Variants in GPC6 observed in about 807,000 individuals in gnomAD.
The protein encoded by GPC6 is glypican-6.
In GPC6, 14 loss-of-function variants were observed where a neutral mutation model predicts 55.2. That is an observed-to-expected ratio of 0.25 (90% CI 0.17 to 0.40). The LOEUF (loss-of-function observed/expected upper bound fraction) is 0.40. Among genes scored for constraint, GPC6 ranks in the 10% least tolerant of loss-of-function variants. The pLI is 1.00. For synonymous variants in GPC6, 278 were observed against 259.6 expected (o/e 1.07, Z -0.68); for missense variants, 641 against 708.5 (o/e 0.90, Z 1.08).
chr13:93,426,358 G>A (rs1877126223), intron 1 of GPC6, among the ~76,000 whole-genome samples: 1 of 151,490 alleles, frequency 6.6e-6, no homozygotes, highest in South Asian at 2.1e-4. Context: ...CTAGCATTAG[G>A]TATATCTCCT....
At chr13:94,027,601 G>A (rs961261692) in intron 3 of GPC6, 128 bp from the exon 4 acceptor site, 3 of 804,638 alleles carry the variant, frequency 3.7e-6, no homozygotes, top group African/African-American at 1.7e-5. Flanking sequence ...GGAATTGGAT[G>A]GATTCAAGAT....
the GPC6 span, among the ~76,000 whole-genome samples, chr13:93,220,650 C>T: frequency 6.6e-6 from 1 of 152,130 alleles, no homozygotes; most frequent in African/African-American, 2.4e-5. Flanking sequence ...ACTCTTCCTG[C>T]TATGCAATAC....
chr13:93,547,624 A>C (rs1335438964), intron 2 of GPC6, among the ~76,000 whole-genome samples: 1 of 152,110 alleles, frequency 6.6e-6, no homozygotes, highest in Non-Finnish European at 1.5e-5. Context: ...CTAAGGGAGG[A>C]TGAATTCTTT....
At chr13:94,266,677 C>T (rs931262772) in intron 4 of GPC6, among the ~76,000 whole-genome samples, 9 of 152,150 alleles carry the variant, frequency 5.9e-5, no homozygotes, top group Non-Finnish European at 8.8e-5. Flanking sequence ...GATTTCATTG[C>T]ACTTGGTACA....
chr13:93,545,365 A>G lies in GPC6; in HGVS notation c.263A>G (p.Glu88Gly). The change falls in exon 2 of 9, where the codon GAA becomes GGA. Residue 88 changes from glutamate to glycine, a missense_variant. Physicochemically the swap from Glu to Gly is moderately conservative, Grantham distance 98 (BLOSUM62 -2). Coordinates refer to ENST00000377047, the MANE Select transcript of GPC6 (RefSeq NM_005708.5). ...AAACTCGAATTTGAAAACCTTGTGG[A>G]AGAGACAAGCCATTTTGTGCGCACC... ...QSKLEFENLV[E>G]ETSHFVRTTF... The G allele has an allele frequency of 6.2e-7, 1 of 1,613,920 alleles. No individual in the cohort carries two copies.
At chr13:93,233,344 C>CA (rs199803814) in intron 1 of GPC6, among the ~76,000 whole-genome samples, 23,072 of 126,024 alleles carry the variant, frequency 0.18, 2,131 homozygotes, top group African/African-American at 0.32. Flanking sequence ...AGTTAGTAGC[C>CA]AAAAAAAAAA....
chr13:94,030,150 A>C (rs894639556), intron 4 of GPC6, among the ~76,000 whole-genome samples: 14 of 151,964 alleles, frequency 9.2e-5, no homozygotes, highest in Non-Finnish European at 2.1e-4. Flanking sequence ...CTGGGACTAC[A>C]GGCGCCCGAC....
chr13:93,372,022 G>A (rs764220059), intron 1 of GPC6, among the ~76,000 whole-genome samples: 2 of 152,042 alleles, frequency 1.3e-5, no homozygotes, highest in Non-Finnish European at 2.9e-5. Context: ...TGGGTTATTC[G>A]ATTGGCCTAT....
chr13:94,241,145 C>T (rs1429010420), intron 4 of GPC6, among the ~76,000 whole-genome samples: 1 of 152,078 alleles, frequency 6.6e-6, no homozygotes, highest in Non-Finnish European at 1.5e-5. Context: ...ATCTCTTGGT[C>T]ACGTGAGGAT....
chr13:94,130,099 G>A (rs1886957444), intron 4 of GPC6, among the ~76,000 whole-genome samples: 2 of 152,102 alleles, frequency 1.3e-5, no homozygotes, highest in South Asian at 2.1e-4. Context: ...ACTGATTAAT[G>A]TTTAGGATCT....
intron 1 of GPC6, among the ~76,000 whole-genome samples, chr13:93,383,413 C>T (rs1385933134): frequency 2.0e-5 from 3 of 152,100 alleles, no homozygotes; most frequent in Non-Finnish European, 4.4e-5. Context: ...GAGGGAGTCT[C>T]GCCATGTTGC....
chr13:94,023,442 A>G (rs1882777576), intron 3 of GPC6, among the ~76,000 whole-genome samples: 1 of 152,006 alleles, frequency 6.6e-6, no homozygotes, highest in Admixed American at 6.6e-5. Context: ...TACATGATAC[A>G]CCCATGGAAA....
intron 2 of GPC6, among the ~76,000 whole-genome samples, chr13:93,586,729 T>A (rs911283050): frequency 6.6e-6 from 1 of 152,168 alleles, no homozygotes; most frequent in Non-Finnish European, 1.5e-5. Context: ...GCTGCAAGAC[T>A]AAAAACGTTT....
At chr13:93,234,472 A>G (rs1876165580) in intron 1 of GPC6, among the ~76,000 whole-genome samples, 1 of 152,158 alleles carries the variant, frequency 6.6e-6, no homozygotes, top group Admixed American at 6.5e-5. Context: ...GTTTTGAAAT[A>G]TTACATTGGT....
At chr13:93,423,262 G>C (rs947558492) in intron 1 of GPC6, among the ~76,000 whole-genome samples, 5 of 152,142 alleles carry the variant, frequency 3.3e-5, no homozygotes, top group African/African-American at 1.2e-4. Context: ...ATCAGGCCAG[G>C]TGTATCTCAT....
At position 93,781,860 on chromosome 13, in the gene GPC6, A is replaced by G. The variant is rs368364586; in HGVS notation, c.320-48294A>G. 1.3e-4 allele frequency among the ~76,000 whole-genome samples: 20 copies of G among 152,326 alleles called. No individual in the cohort carries two copies. The East Asian group carries it at 1.9e-3, about 15-fold the overall frequency. ...AAAAATTATATGTTTATGTTGTACA[A>G]TATGATGTTTGATATATGTATACAT... On this transcript the variant is annotated intron_variant, in intron 2 of 8. Coordinates refer to ENST00000377047, the MANE Select transcript of GPC6 (RefSeq NM_005708.5).
chr13:94,378,062 G>A (rs549140582), intron 6 of GPC6, among the ~76,000 whole-genome samples: 5 of 152,272 alleles, frequency 3.3e-5, no homozygotes, highest in East Asian at 1.9e-4. Flanking sequence ...GGGGGGAGAC[G>A]TGAGGGATAG....
intron 6 of GPC6, among the ~76,000 whole-genome samples, chr13:94,332,987 A>AT (rs1877502297): frequency 6.6e-6 from 1 of 152,098 alleles, no homozygotes; most frequent in Admixed American, 6.5e-5. Flanking sequence ...ACATGACAGG[A>AT]TTTTCCCAGG....
intron 1 of GPC6, among the ~76,000 whole-genome samples, chr13:93,306,179 A>G (rs2057524): frequency 0.12 from 18,316 of 152,266 alleles, 1,325 homozygotes; most frequent in East Asian, 0.36. Context: ...AAGTGGAAGC[A>G]GAATATCAAA....
Sources: allele counts gnomAD v4.1 joint callset (sites outside exome capture counted in the v4.1 genomes callset), GRCh38; gene constraint gnomAD v4.1.1; transcripts MANE v1.5; gene names NCBI Gene and HGNC (gene_info 2026-07-23, HGNC 2026-07-21).